ZNRF3: variants seen among roughly 807,000 people sequenced by gnomAD.
The protein encoded by ZNRF3 is E3 ubiquitin-protein ligase ZNRF3.
A neutral mutation model predicts 72.5 loss-of-function variants in ZNRF3; 23 were observed. The ratio of observed to expected loss-of-function variants is 0.32; its 90% CI spans 0.23 to 0.45. The LOEUF is 0.45. Ranked by LOEUF, ZNRF3 falls within the 20% of genes least tolerant of loss-of-function variation. The pLI, the probability that ZNRF3 is intolerant of heterozygous loss-of-function variation, is 1.00. For synonymous variants in ZNRF3, 610 were observed against 545.3 expected (o/e 1.12, Z -1.65); for missense variants, 1,169 against 1,272.1 (o/e 0.92, Z 1.23).
chr22:28,967,925 CAAAAAAAAA>C (rs371787941), intron 1 of ZNRF3, among the ~76,000 whole-genome samples: 316 of 70,644 alleles, frequency 4.5e-3, no homozygotes, highest in Admixed American at 6.1e-3. Context: ...CACCGTGTCT[CAAAAAAAAA>C]AAAAAAAAAG....
At chr22:28,936,299 G>A (rs2034819188) in intron 1 of ZNRF3, among the ~76,000 whole-genome samples, 1 of 152,142 alleles carries the variant, frequency 6.6e-6, no homozygotes. Flanking sequence ...CCAGAGCCCT[G>A]GCCACTTTTC....
chr22:28,978,296 C>T (rs745750337), intron 1 of ZNRF3, among the ~76,000 whole-genome samples: 1 of 152,146 alleles, frequency 6.6e-6, no homozygotes, highest in East Asian at 1.9e-4. Flanking sequence ...TTGTGTCTGC[C>T]GTCTCTGTAA....
chr22:28,994,386 G>A (rs1040368660), intron 2 of ZNRF3, among the ~76,000 whole-genome samples: 1 of 150,760 alleles, frequency 6.6e-6, no homozygotes, highest in Non-Finnish European at 1.5e-5. Flanking sequence ...TAGTAGAGAC[G>A]GGGTTTCTCC....
intron 1 of ZNRF3, among the ~76,000 whole-genome samples, chr22:28,931,610 G>A (rs1189912914): frequency 1.3e-5 from 2 of 152,164 alleles, no homozygotes; most frequent in Non-Finnish European, 2.9e-5. Flanking sequence ...TACATTGTTA[G>A]GGAGCCCCAT....
Position 28,883,749 on chromosome 22 carries a change from C to T in ZNRF3, c.-18C>T, listed in dbSNP as rs2033710472. ...TGCCCGGCCGCGCCCGCCCTCCGCG[C>T]CCTCCCGCCGCAGGACCATGAGGCC... On this transcript the variant is annotated 5_prime_UTR_variant, in exon 1 of 9. Coordinates refer to ENST00000544604, the MANE Select transcript of ZNRF3 (RefSeq NM_001206998.2). The surrounding 1 kb of genome is among the most constrained non-coding windows in gnomAD (Gnocchi z 5.5). 3 of 980,986 alleles carry T rather than the reference C, an allele frequency of 3.1e-6. No individual in the cohort carries two copies. Among genetic ancestry groups the T allele is most frequent in the Non-Finnish European group, 3.6e-6 (3 of 827,922 alleles). The allele number at this position is 980,986 out of a possible 1,614,324, so 60.8% of individuals were successfully genotyped here. A position where few individuals can be genotyped will look rare whatever the true frequency, so the allele number is the denominator to read the frequency against.
chr22:28,937,198 TATATATATA>T (rs2034843547), intron 1 of ZNRF3, among the ~76,000 whole-genome samples: 2 of 2,912 alleles, frequency 6.9e-4, no homozygotes, highest in Non-Finnish European at 1.7e-3. Context: ...TATATATATA[TATATATATA>T]TATATATATT....
At position 28,954,338 on chromosome 22, in the gene ZNRF3, T is replaced by TGTGA. The variant is rs144440715; in HGVS notation, c.301-32728_301-32725dup. ...CTGTATCCTCCTGTGGCGAAGAAAG[T>TGTGA]GTGAGTGAGTGAGCAAGCTCTCTGG... is the stretch of plus-strand genomic sequence containing the variant. On this transcript the variant is annotated intron_variant, in intron 1 of 8. Coordinates refer to ENST00000544604, the MANE Select transcript of ZNRF3 (RefSeq NM_001206998.2). Among the ~76,000 whole-genome samples the TGTGA allele has an allele frequency of 3.7e-3, 566 of 152,280 alleles. 1 individual carries two copies. Among genetic ancestry groups the TGTGA allele is most frequent in the Middle Eastern group, 0.017 (5 of 294 alleles).
intron 2 of ZNRF3, among the ~76,000 whole-genome samples, chr22:29,023,030 A>G (rs1014581156): frequency 2.6e-5 from 4 of 152,132 alleles, no homozygotes; most frequent in Non-Finnish European, 5.9e-5. Flanking sequence ...CCTCCAACAA[A>G]TTGGTTTTTA....
In ZNRF3 at chr22:29,013,479, C is replaced by T. The variant is rs118078006; in HGVS notation, c.426+26278C>T. ...ATCCCTCTAAAAAGATAAGGCAAGA[C>T]GACACCTTGCCCTTTTGTCTTTGAT... On this transcript the variant is annotated intron_variant, in intron 2 of 8. Coordinates refer to ENST00000544604, the MANE Select transcript of ZNRF3 (RefSeq NM_001206998.2). 2.5e-3 allele frequency among the ~76,000 whole-genome samples: 384 copies of T among 152,280 alleles called. 5 individuals carry two copies. In the East Asian group the frequency reaches 0.044, roughly 18 times the overall value.
intron 1 of ZNRF3, among the ~76,000 whole-genome samples, chr22:28,984,666 C>G (rs1319344602): frequency 6.6e-6 from 1 of 152,184 alleles, no homozygotes; most frequent in Non-Finnish European, 1.5e-5. Context: ...CTGGAGTGAG[C>G]CGGGTCTTGA....
At chr22:29,019,935 C>A (rs1778858443) in intron 2 of ZNRF3, among the ~76,000 whole-genome samples, 1 of 152,088 alleles carries the variant, frequency 6.6e-6, no homozygotes, top group Admixed American at 6.6e-5. Flanking sequence ...CCACCCCACC[C>A]CCATCTTGAT....
intron 1 of ZNRF3, among the ~76,000 whole-genome samples, chr22:28,898,886 T>C (rs560167500): frequency 6.6e-6 from 1 of 152,220 alleles, no homozygotes; most frequent in African/African-American, 2.4e-5. Flanking sequence ...TGGGAAATTA[T>C]TGAATTATTG....
In ZNRF3 at chr22:28,948,464, G is replaced by C. The variant is rs2035094318; in HGVS notation, c.301-38612G>C. ...TACAGGTGTTGGCCCAGCAAGCCTGGCCTAAAATATCTTTTTGTTTTAGAA... is the reference window on the plus strand; with the variant it reads ...TACAGGTGTTGGCCCAGCAAGCCTGCCCTAAAATATCTTTTTGTTTTAGAA... On this transcript the variant is annotated intron_variant, in intron 1 of 8. Transcript: ENST00000544604. 2.6e-5 allele frequency among the ~76,000 whole-genome samples: 4 copies of C among 152,208 alleles called. 1 individual carries two copies. The South Asian group carries it at 8.3e-4, about 32-fold the overall frequency.
intron 1 of ZNRF3, among the ~76,000 whole-genome samples, chr22:28,978,713 C>A (rs537168707): frequency 3.1e-4 from 47 of 150,042 alleles, no homozygotes; most frequent in African/African-American, 1.1e-3. Flanking sequence ...CTTCACCACC[C>A]CTGATTGCTA....
intron 2 of ZNRF3, among the ~76,000 whole-genome samples, chr22:29,005,470 T>C (rs1291809817): frequency 6.6e-6 from 1 of 152,106 alleles, no homozygotes; most frequent in Non-Finnish European, 1.5e-5. Context: ...CCTAAGCCCC[T>C]TGTAGGAAAA....
chr22:29,050,081 C>CCGG lies in ZNRF3; in HGVS notation c.1904_1906dup (p.Ala635dup), dbSNP rs1439496792. 1.2e-6 allele frequency: 2 copies of CCGG among 1,607,952 alleles called. No homozygotes were observed. The highest frequency in any genetic ancestry group is 4.5e-5 in the East Asian group (2 of 44,832). On this transcript the variant is annotated inframe_insertion, in exon 8 of 9. Coordinates refer to ENST00000544604, the MANE Select transcript of ZNRF3 (RefSeq NM_001206998.2). ...GGGCTCCCCGCCTCCCGAGGAGCTCCCGGCGGTGCACAGTCATGGTGCTGG... is the reference window on the plus strand; with the variant it reads ...GGGCTCCCCGCCTCCCGAGGAGCTCCCGGCGGCGGTGCACAGTCATGGTGCTGG...
chr22:28,937,207 ATATATATATTT>A (rs1206582076), intron 1 of ZNRF3, among the ~76,000 whole-genome samples: 1 of 2,872 alleles, frequency 3.5e-4, no homozygotes, highest in African/African-American at 5.1e-4. Context: ...ATATATATAT[ATATATATATTT>A]TTTTTTTTTT....
chr22:29,033,085 C>T (rs142231831), intron 2 of ZNRF3, among the ~76,000 whole-genome samples: 13 of 151,496 alleles, frequency 8.6e-5, no homozygotes, highest in Non-Finnish European at 1.3e-4. Context: ...TGTGGTGGCT[C>T]AGGCCTGTAA....
chr22:28,918,276 A>T (rs186507587), intron 1 of ZNRF3, among the ~76,000 whole-genome samples: 1 of 152,312 alleles, frequency 6.6e-6, no homozygotes, highest in African/African-American at 2.4e-5. Flanking sequence ...CTGTACAAAA[A>T]TACTTCCTTT....
Sources: allele counts gnomAD v4.1 joint callset (sites outside exome capture counted in the v4.1 genomes callset), GRCh38; gene constraint gnomAD v4.1.1; non-coding constraint Gnocchi (gnomAD v3.1); transcripts MANE v1.5; gene names NCBI Gene and HGNC (gene_info 2026-07-23, HGNC 2026-07-21).